CDH13: variants seen among roughly 807,000 people sequenced by gnomAD.
CDH13 encodes the protein cadherin 13.
In CDH13, 24 loss-of-function variants were observed where a neutral mutation model predicts 63.8. That is an observed-to-expected ratio of 0.38 (90% CI 0.27 to 0.53). CDH13 has a LOEUF of 0.53. CDH13 is among the 20% of genes least tolerant of loss of function. The pLI is 0.85. For synonymous variants in CDH13, 503 were observed against 355.3 expected (o/e 1.42, Z -4.67); for missense variants, 1,049 against 903.1 (o/e 1.16, Z -2.07).
intron 6 of CDH13, among the ~76,000 whole-genome samples, chr16:83,357,996 G>T (rs1597824765): frequency 6.6e-6 from 1 of 152,180 alleles, no homozygotes; most frequent in African/African-American, 2.4e-5. Flanking sequence ...AGAGGCGGAT[G>T]CTATGATCAT....
At chr16:83,140,141 C>T (rs973125416) in intron 4 of CDH13, among the ~76,000 whole-genome samples, 2 of 152,172 alleles carry the variant, frequency 1.3e-5, no homozygotes, top group African/African-American at 4.8e-5. Flanking sequence ...GTTTAGATCC[C>T]ATAGGTCTGG....
intron 2 of CDH13, among the ~76,000 whole-genome samples, chr16:82,981,209 TTTCA>T (rs920713807): frequency 2.0e-5 from 3 of 152,204 alleles, no homozygotes; most frequent in African/African-American, 7.2e-5. Context: ...CCACTTTCCG[TTTCA>T]CCAGCATATC....
intron 4 of CDH13, among the ~76,000 whole-genome samples, chr16:83,151,984 C>G (rs2037001702): frequency 6.6e-6 from 1 of 151,356 alleles, no homozygotes. Flanking sequence ...GAAAGTAAAT[C>G]ACTAAGTAGC....
chr16:82,841,010 A>G (rs1027784026), intron 1 of CDH13, among the ~76,000 whole-genome samples: 16 of 152,236 alleles, frequency 1.1e-4, no homozygotes, highest in African/African-American at 3.4e-4. Flanking sequence ...TTAGTTGACT[A>G]TGAGGCAAAC....
chr16:83,267,202 A>G (rs1478392868), intron 5 of CDH13, among the ~76,000 whole-genome samples: 1 of 152,188 alleles, frequency 6.6e-6, no homozygotes, highest in African/African-American at 2.4e-5. Flanking sequence ...AACAAAGAGG[A>G]AAATTTATCA....
chr16:83,273,130 A>T (rs2151848213), intron 5 of CDH13, among the ~76,000 whole-genome samples: 1 of 152,166 alleles, frequency 6.6e-6, no homozygotes, highest in African/African-American at 2.4e-5. Flanking sequence ...TTTGGTGCAT[A>T]TCACTTCTTT....
chr16:83,259,886 A>G (rs893932779), intron 5 of CDH13, among the ~76,000 whole-genome samples: 1 of 152,138 alleles, frequency 6.6e-6, no homozygotes, highest in African/African-American at 2.4e-5. Flanking sequence ...TTGGGGGCCT[A>G]AAATCATGGG....
chr16:83,193,086 G>A (rs1324666179), intron 4 of CDH13, among the ~76,000 whole-genome samples: 3 of 151,912 alleles, frequency 2.0e-5, no homozygotes, highest in African/African-American at 7.3e-5. Context: ...GAGAGTACAA[G>A]GGCATCTGCA....
At chr16:83,373,129 A>G (rs545353452) in intron 6 of CDH13, among the ~76,000 whole-genome samples, 2 of 152,338 alleles carry the variant, frequency 1.3e-5, no homozygotes, top group African/African-American at 4.8e-5. Context: ...TTTCCATAAT[A>G]TTGAGCAAAT....
chr16:83,446,639 T>C lies in CDH13; in HGVS notation c.782-39838T>C, dbSNP rs78316038. Among the ~76,000 whole-genome samples, 1,154 of 152,278 alleles carry C rather than the reference T, an allele frequency of 7.6e-3. 16 individuals carry two copies. Among genetic ancestry groups the C allele is most frequent in the South Asian group, 0.04 (194 of 4,818 alleles). ...CTGCTCATTTCTCCATCTCCTCTCT[T>C]TCTGGTGGTAATCAAAGGAACGAGC... On this transcript the variant is annotated intron_variant, in intron 6 of 13. Transcript: ENST00000567109.
chr16:83,491,016 G>C (rs775606868), intron 7 of CDH13, among the ~76,000 whole-genome samples: 3 of 152,200 alleles, frequency 2.0e-5, no homozygotes, highest in Non-Finnish European at 4.4e-5. Context: ...ATGAGTGGAT[G>C]ACCTGTGTTC....
intron 6 of CDH13, among the ~76,000 whole-genome samples, chr16:83,391,001 C>T (rs924364530): frequency 2.0e-5 from 3 of 152,134 alleles, no homozygotes. Context: ...GATTTAATTG[C>T]TGATTCAAAC....
intron 6 of CDH13, among the ~76,000 whole-genome samples, chr16:83,353,221 C>T (rs2090991547): frequency 6.6e-6 from 1 of 152,256 alleles, no homozygotes; most frequent in Non-Finnish European, 1.5e-5. Flanking sequence ...TAAATCTATA[C>T]AAATAAAAAA....
Position 83,521,726 on chromosome 16 carries a change from C to T in CDH13, c.960+35071C>T, listed in dbSNP as rs112201019. The stretch of plus-strand genomic sequence containing the variant: ...GGTAATTCTTCCACCTATGGGTTTT[C>T]CCATGGGATGCAACCTGGGTGCATG... On this transcript the variant is annotated intron_variant, in intron 7 of 13. Transcript: ENST00000567109. 3.9e-3 allele frequency among the ~76,000 whole-genome samples: 599 copies of T among 152,288 alleles called. 2 individuals carry two copies. The highest frequency in any genetic ancestry group is 0.014 in the African/African-American group (573 of 41,564).
intron 7 of CDH13, among the ~76,000 whole-genome samples, chr16:83,529,529 G>C (rs1157405897): frequency 6.6e-6 from 1 of 152,046 alleles, no homozygotes; most frequent in African/African-American, 2.4e-5. Flanking sequence ...TACTAGCCCA[G>C]AGCAATGTAC....
intron 1 of CDH13, among the ~76,000 whole-genome samples, chr16:82,730,880 T>G (rs1473097090): frequency 6.6e-6 from 1 of 152,210 alleles, no homozygotes; most frequent in Non-Finnish European, 1.5e-5. Context: ...CAGCTATCAT[T>G]AAAAATTAAA....
At chr16:83,090,105 T>C (rs78647024) in intron 3 of CDH13, among the ~76,000 whole-genome samples, 9,464 of 152,134 alleles carry the variant, frequency 0.062, 457 homozygotes, top group African/African-American at 0.13. Flanking sequence ...TGACTGGTCG[T>C]CAACCCCACC....
At chr16:82,740,834 A>G (rs1389463168) in intron 1 of CDH13, among the ~76,000 whole-genome samples, 5 of 152,208 alleles carry the variant, frequency 3.3e-5, no homozygotes, top group Admixed American at 6.5e-5. Context: ...AGAACTTCAA[A>G]GCCTCATAGC....
Position 83,163,316 on chromosome 16 carries a change from C to T in CDH13, c.483+37815C>T, listed in dbSNP as rs545458114. On this transcript the variant is annotated intron_variant, in intron 4 of 13. Coordinates refer to ENST00000567109, the MANE Select transcript of CDH13 (RefSeq NM_001257.5). Reference sequence around the variant, plus strand: ...CTATGTAGGGAAACCTCTTTGTTCCCTACATAGGTTCTCTGCATTGGTTCA... The same window carrying T: ...CTATGTAGGGAAACCTCTTTGTTCCTTACATAGGTTCTCTGCATTGGTTCA... Among the ~76,000 whole-genome samples the T allele has an allele frequency of 5.3e-5, 8 of 152,094 alleles. No individual in the cohort carries two copies. The South Asian group carries it at 1.3e-3, about 24-fold the overall frequency.
Sources: gnomAD v4.1 joint callset for allele counts (sites outside exome capture counted in the v4.1 genomes callset) on GRCh38, gnomAD v4.1.1 for gene constraint, MANE v1.5 for transcripts, NCBI Gene and HGNC (gene_info 2026-07-23, HGNC 2026-07-21) for gene names.